ABCC5: variants seen among roughly 807,000 people sequenced by gnomAD.
The protein encoded by ABCC5 is ATP binding cassette subfamily C member 5, also known as ATP-binding cassette sub-family C member 5.
Under a neutral mutation model 160.9 loss-of-function variants are expected in ABCC5, and 61 were observed. The ratio of observed to expected loss-of-function variants is 0.38; its 90% CI spans 0.31 to 0.47. The LOEUF (loss-of-function observed/expected upper bound fraction) is 0.47. Ranked by LOEUF, ABCC5 falls within the 20% of genes least tolerant of loss-of-function variation. The pLI is 0.99. For missense variants in ABCC5, 1,308 were observed against 1,813.3 expected (o/e 0.72, Z 5.06); for synonymous variants, 666 against 700.6 (o/e 0.95, Z 0.78).
intron 25 of ABCC5, among the ~76,000 whole-genome samples, chr3:183,939,365 G>A (rs1323733374): frequency 2.0e-5 from 3 of 152,174 alleles, no homozygotes; most frequent in South Asian, 2.1e-4. Context: ...CCTGGGAGGC[G>A]GAGGTTGCAG....
intron 17 of ABCC5, among the ~76,000 whole-genome samples, chr3:183,959,403 C>T (rs894541782): frequency 3.3e-5 from 5 of 152,076 alleles, no homozygotes; most frequent in Admixed American, 1.3e-4. Flanking sequence ...TGAGCAGAGG[C>T]GAATCACTGG....
rs972974942 is a variant in ABCC5 at position 183,925,433 on chromosome 3, G to A, written c.4212+122C>T. 8 of 963,556 alleles carry A rather than the reference G, an allele frequency of 8.3e-6. No individual in the cohort carries two copies. In the South Asian group the frequency reaches 1.1e-4, roughly 14 times the overall value. The allele number at this position is 963,556 out of a possible 1,614,324, so 59.7% of individuals were successfully genotyped here. On this transcript the variant is annotated intron_variant, in intron 29 of 29. Coordinates refer to ENST00000334444, the MANE Select transcript of ABCC5 (RefSeq NM_005688.4). ...TATCCCTCCCAATAGCAAGTAAATA[G>A]CGCTGCTGCAAGTGCTTATCTGAAT...
In ABCC5 at chr3:183,937,949, T is replaced by C; in HGVS notation, c.3806A>G (p.Lys1269Arg). 1 of 1,614,158 alleles carries C rather than the reference T, an allele frequency of 6.2e-7. No homozygotes were observed. The highest frequency in any genetic ancestry group is 8.5e-7 in the Non-Finnish European group (1 of 1,180,036). Residue 1269 changes from lysine to arginine, a missense_variant, in exon 26 of 30, where the codon AAA becomes AGA. By Grantham distance (26) the Lys-to-Arg change is conservative (BLOSUM62 2). Around this residue, in one of 3 missense-constraint regions of ABCC5, gnomAD observed 163 missense variants for 269.7 expected, o/e 0.60. Coordinates refer to ENST00000334444, the MANE Select transcript of ABCC5 (RefSeq NM_005688.4). ...CGGCTCTTGAGGAATGATAGAGAGTTTGCTTCGGAGGTCGGCAAGGCCAAT... is the reference window on the plus strand; with the variant it reads ...CGGCTCTTGAGGAATGATAGAGAGTCTGCTTCGGAGGTCGGCAAGGCCAAT... ...SDIGLADLRS[K>R]LSIIPQEPVL...
rs575320273 is a variant in ABCC5, at chr3:183,976,767, C to T, written c.1404+750G>A. Among the ~76,000 whole-genome samples the T allele has an allele frequency of 7.0e-4, 106 of 152,166 alleles. 1 individual carries two copies. Among genetic ancestry groups the T allele is most frequent in the African/African-American group, 2.5e-3 (104 of 41,530 alleles). ...TTGCTTTCTTATTCCTCTCACTGGC[C>T]AATAAAGACAAGCAGGGACATAGGA... On this transcript the variant is annotated intron_variant, in intron 10 of 29. Transcript: ENST00000334444.
chr3:184,006,674 A>C (rs542198319), intron 2 of ABCC5, among the ~76,000 whole-genome samples: 32 of 152,306 alleles, frequency 2.1e-4, no homozygotes, highest in Middle Eastern at 3.4e-3. Flanking sequence ...TAATGAGCCC[A>C]TATTTCTTTC....
At position 184,012,612 on chromosome 3, in the gene ABCC5, G is replaced by A. The variant is rs1418521828; in HGVS notation, c.129+1652C>T. On this transcript the variant is annotated intron_variant, in intron 2 of 29. Coordinates refer to ENST00000334444, the MANE Select transcript of ABCC5 (RefSeq NM_005688.4). ...CCTCCCCACCTAATCACCCTTTAAG[G>A]CCCTGCCCCAATGTTACCTTCTGAC... 4.6e-5 allele frequency among the ~76,000 whole-genome samples: 7 copies of A among 152,128 alleles called. No homozygotes were observed. In the East Asian group the frequency reaches 1.3e-3, roughly 29 times the overall value.
At chr3:183,978,214 T>A (rs79317070) in intron 9 of ABCC5, among the ~76,000 whole-genome samples, 12,133 of 152,282 alleles carry the variant, frequency 0.08, 1,639 homozygotes, top group African/African-American at 0.28. Context: ...ACTCTTCTGC[T>A]TCTCAGCTTA....
chr3:183,973,483 G>C (rs567414022), intron 10 of ABCC5, among the ~76,000 whole-genome samples: 1 of 152,096 alleles, frequency 6.6e-6, no homozygotes, highest in African/African-American at 2.4e-5. Context: ...ATAGCTTTTA[G>C]GGTCAGGACC....
intron 26 of ABCC5, among the ~76,000 whole-genome samples, chr3:183,932,771 C>T (rs573126743): frequency 3.3e-5 from 5 of 152,130 alleles, no homozygotes; most frequent in African/African-American, 1.2e-4. Flanking sequence ...TAAGACTAGC[C>T]TGGGCAATAT....
chr3:183,977,737 T>C (rs1718346557), intron 9 of ABCC5, 113 bp from the exon 10 acceptor site: 5 of 693,062 alleles, frequency 7.2e-6, no homozygotes, highest in Non-Finnish European at 1.2e-5. Flanking sequence ...CACGGTCAGC[T>C]GTTATTACAA....
Position 183,921,089 on chromosome 3 carries a change from A to T in ABCC5, c.*211T>A, listed in dbSNP as rs892195084. The T allele has an allele frequency of 1.2e-5, 5 of 434,054 alleles. No homozygotes were observed. Among genetic ancestry groups the T allele is most frequent in the African/African-American group, 2.0e-5 (1 of 49,172 alleles). The allele number at this position is 434,054 out of a possible 1,614,324, so 26.9% of individuals were successfully genotyped here. The stretch of plus-strand genomic sequence containing the variant: ...CTTTTAGAGTGCAATTAAGAACAAA[A>T]ACTAAATTTTGTTTACATGAATATG... On this transcript the variant is annotated 3_prime_UTR_variant, in exon 30 of 30. Coordinates refer to ENST00000334444, the MANE Select transcript of ABCC5 (RefSeq NM_005688.4). The surrounding 1 kb of genome is among the most constrained non-coding windows in gnomAD (Gnocchi z 4.1).
At chr3:183,965,329 C>T in intron 13 of ABCC5, 48 bp downstream of exon 13, 1 of 1,614,106 alleles carries the variant, frequency 6.2e-7, no homozygotes, top group Non-Finnish European at 8.5e-7. Context: ...TGCCTTGCAT[C>T]TCACGCGGCC....
At chr3:184,002,180 C>T (rs554328608) in intron 2 of ABCC5, among the ~76,000 whole-genome samples, 50 of 151,946 alleles carry the variant, frequency 3.3e-4, no homozygotes, top group Admixed American at 2.5e-3. Context: ...GGAGGATCAC[C>T]TAAGGTTGGG....
At chr3:183,948,947 G>A (rs561095997) in intron 22 of ABCC5, among the ~76,000 whole-genome samples, 4 of 152,202 alleles carry the variant, frequency 2.6e-5, no homozygotes, top group Admixed American at 1.3e-4. Flanking sequence ...CAGGCGATCC[G>A]CCCACCTCAG....
intron 24 of ABCC5, 39 bp from the exon 25 acceptor site, chr3:183,942,955 A>T (rs779041043): frequency 2.6e-6 from 4 of 1,555,512 alleles, no homozygotes; most frequent in Non-Finnish European, 3.5e-6. Flanking sequence ...CTGACCACAG[A>T]TTCTTGGGGA....
chr3:183,957,982 ACATCACATCGGTTACATGCAGATCCG>A (rs1213642204), intron 17 of ABCC5, among the ~76,000 whole-genome samples: 177 of 104,534 alleles, frequency 1.7e-3, no homozygotes, highest in African/African-American at 5.8e-3. Flanking sequence ...ATCCGTGTGT[ACATCACATCGGTTACATGCAGATCCG>A]TGTGTACATC....
chr3:183,968,221 G>A (rs376409899), intron 11 of ABCC5, among the ~76,000 whole-genome samples: 34 of 152,114 alleles, frequency 2.2e-4, no homozygotes, highest in East Asian at 9.7e-4. Context: ...TTCCGCTTCC[G>A]GGTTCAAGCA....
chr3:183,974,670 G>A (rs1263147014), intron 10 of ABCC5, among the ~76,000 whole-genome samples: 1 of 152,186 alleles, frequency 6.6e-6, no homozygotes, highest in Admixed American at 6.5e-5. Flanking sequence ...ATTCCATGCA[G>A]TATTTCACTG....
intron 2 of ABCC5, among the ~76,000 whole-genome samples, chr3:184,000,412 G>C (rs1720652452): frequency 6.6e-6 from 1 of 152,028 alleles, no homozygotes; most frequent in African/African-American, 2.4e-5. Context: ...ATTTCGAGTA[G>C]TGGACTTGTA....
Sources: gnomAD v4.1 joint callset for allele counts (sites outside exome capture counted in the v4.1 genomes callset) on GRCh38, gnomAD v4.1.1 for gene constraint, gnomAD v4.1.1 regional missense constraint, Gnocchi (gnomAD v3.1) non-coding constraint, MANE v1.5 for transcripts, NCBI Gene and HGNC (gene_info 2026-07-23, HGNC 2026-07-21) for gene names.